The following KYAT3 variants were observed in gnomAD, a reference collection of about 807,000 sequenced individuals.
KYAT3 encodes the protein kynurenine aminotransferase 3, also known as kynurenine--oxoglutarate transaminase 3.
In KYAT3, 50 loss-of-function variants were observed where a neutral mutation model predicts 59.0. The ratio of observed to expected loss-of-function variants is 0.85; its 90% CI spans 0.68 to 1.07. The LOEUF is 1.07. Among genes scored for constraint, KYAT3 ranks in the 50% least tolerant of loss-of-function variants. The probability of loss-of-function intolerance (pLI) is 0.00; values close to 1 mark genes in which losing one functional copy is unlikely to be tolerated. For missense variants in KYAT3, 497 were observed against 533.3 expected (o/e 0.93, Z 0.67); for synonymous variants, 148 against 177.0 (o/e 0.84, Z 1.30).
intron 2 of KYAT3, chr1:88,982,887 T>C: frequency 1.9e-6 from 3 of 1,613,996 alleles, no homozygotes; most frequent in South Asian, 1.1e-5. Flanking sequence ...CGTGAGCTGC[T>C]ATAATCATCA....
chr1:88,955,933 T>A (rs539491293), intron 8 of KYAT3, among the ~76,000 whole-genome samples: 2 of 152,208 alleles, frequency 1.3e-5, no homozygotes, highest in African/African-American at 4.8e-5. Flanking sequence ...ATTTAAAGTA[T>A]GCCATTCAGT....
chr1:88,959,259 C>A (rs1415069012), intron 8 of KYAT3, among the ~76,000 whole-genome samples: 1 of 147,206 alleles, frequency 6.8e-6, no homozygotes, highest in Admixed American at 6.8e-5. Context: ...CTGGGTGACA[C>A]AGCGAGACCC....
At chr1:88,952,586 G>T (rs1362467942) in intron 10 of KYAT3, among the ~76,000 whole-genome samples, 1 of 152,086 alleles carries the variant, frequency 6.6e-6, no homozygotes, top group Non-Finnish European at 1.5e-5. Flanking sequence ...CACCATTATT[G>T]TAAGTTTTCT....
At chr1:88,941,138 T>C (rs528415966) in intron 13 of KYAT3, among the ~76,000 whole-genome samples, 2 of 152,244 alleles carry the variant, frequency 1.3e-5, no homozygotes, top group Non-Finnish European at 2.9e-5. Context: ...TCAAATAATA[T>C]ACCACTATTT....
intron 2 of KYAT3, chr1:88,983,285 G>A (rs1288477556): frequency 6.2e-7 from 1 of 1,613,900 alleles, no homozygotes; most frequent in Non-Finnish European, 8.5e-7. Context: ...TGATAGAGGA[G>A]CTCTTCCTCC....
intron 10 of KYAT3, among the ~76,000 whole-genome samples, chr1:88,951,495 A>C (rs1029722031): frequency 6.6e-6 from 1 of 151,994 alleles, no homozygotes; most frequent in African/African-American, 2.4e-5. Context: ...TTGGCCTCCC[A>C]AAGTGTTGGG....
At chr1:88,940,901 GT>G (rs1366494722) in intron 13 of KYAT3, among the ~76,000 whole-genome samples, 1 of 152,202 alleles carries the variant, frequency 6.6e-6, no homozygotes, top group Non-Finnish European at 1.5e-5. Context: ...TGCTGGCTTT[GT>G]CTGTAATTTG....
intron 2 of KYAT3, among the ~76,000 whole-genome samples, chr1:88,971,681 T>C (rs191614877): frequency 3.3e-5 from 5 of 152,310 alleles, no homozygotes; most frequent in Non-Finnish European, 5.9e-5. Context: ...TGAGAGTGCA[T>C]GTTCTCTACT....
At chr1:88,966,535 T>G (rs1676358249) in intron 4 of KYAT3, among the ~76,000 whole-genome samples, 1 of 152,164 alleles carries the variant, frequency 6.6e-6, no homozygotes, top group African/African-American at 2.4e-5. Context: ...CATTTTAATA[T>G]ATAGAAATAC....
rs1570866788 is a variant in KYAT3, at chr1:88,992,590, C to G, written c.-7G>C. On this transcript the variant is annotated 5_prime_UTR_variant, in exon 1 of 14. Coordinates refer to ENST00000260508, the MANE Select transcript of KYAT3 (RefSeq NM_001008661.3). The stretch of plus-strand genomic sequence containing the variant: ...CGCGCGCCCGCCCCACTCACCTATC[C>G]GGTGCGGGAACCTCGCCTCCCTAGG... The G allele has an allele frequency of 1.3e-5, 2 of 152,668 alleles. No homozygotes were observed. Among genetic ancestry groups the G allele is most frequent in the African/African-American group, 2.4e-5 (1 of 41,470 alleles). The allele number at this position is 152,668 out of a possible 1,614,324, so 9.5% of individuals were successfully genotyped here. A position where few individuals can be genotyped will look rare whatever the true frequency, so the allele number is the denominator to read the frequency against.
chr1:88,963,020 C>T (rs1676207850), intron 5 of KYAT3, among the ~76,000 whole-genome samples: 1 of 150,570 alleles, frequency 6.6e-6, no homozygotes, highest in Non-Finnish European at 1.5e-5. Flanking sequence ...TTATTGCGTC[C>T]TCACTATTTT....
intron 13 of KYAT3, among the ~76,000 whole-genome samples, chr1:88,939,990 T>G (rs992532642): frequency 6.6e-6 from 1 of 152,144 alleles, no homozygotes; most frequent in Non-Finnish European, 1.5e-5. Flanking sequence ...CTCTAACACT[T>G]GTTTTTCCTT....
chr1:88,938,043 G>A (rs928482530), intron 13 of KYAT3, among the ~76,000 whole-genome samples: 1 of 152,204 alleles, frequency 6.6e-6, no homozygotes, highest in East Asian at 1.9e-4. Context: ...GAGTATCAAG[G>A]TTAACTTCAT....
intron 11 of KYAT3, among the ~76,000 whole-genome samples, chr1:88,945,396 C>A (rs1675401377): frequency 1.3e-5 from 2 of 152,138 alleles, no homozygotes; most frequent in South Asian, 4.1e-4. Flanking sequence ...AATTTTGGAT[C>A]CTATTATTTC....
At chr1:88,947,611 G>T (rs1007509209) in intron 11 of KYAT3, among the ~76,000 whole-genome samples, 1 of 152,182 alleles carries the variant, frequency 6.6e-6, no homozygotes, top group African/African-American at 2.4e-5. Context: ...CCCATGAAAG[G>T]CACACTGCAA....
At chr1:88,934,492 T>G (rs1421492379), downstream of KYAT3, among the ~76,000 whole-genome samples, 1 of 152,082 alleles carries the variant, frequency 6.6e-6, no homozygotes, top group Non-Finnish European at 1.5e-5. Context: ...TAGGAATTGC[T>G]GCTGTGGTAA....
chr1:88,963,719 C>T (rs1346686122), intron 5 of KYAT3, among the ~76,000 whole-genome samples: 3 of 152,224 alleles, frequency 2.0e-5, no homozygotes, highest in Non-Finnish European at 4.4e-5. Flanking sequence ...AAAACATCTT[C>T]TATCTCACAG....
intron 8 of KYAT3, among the ~76,000 whole-genome samples, chr1:88,957,544 T>C (rs1215626191): frequency 6.6e-6 from 1 of 152,222 alleles, no homozygotes; most frequent in African/African-American, 2.4e-5. Flanking sequence ...TAAGTTTTAA[T>C]GCAAACAAAT....
At chr1:88,983,400 A>T in intron 2 of KYAT3, 1 of 1,614,178 alleles carries the variant, frequency 6.2e-7, no homozygotes, top group Middle Eastern at 1.6e-4. Flanking sequence ...GGTCCCCTGG[A>T]AGAACTCATG....
Sources: allele counts gnomAD v4.1 joint callset (sites outside exome capture counted in the v4.1 genomes callset), GRCh38; gene constraint gnomAD v4.1.1; transcripts MANE v1.5; gene names NCBI Gene and HGNC (gene_info 2026-07-23, HGNC 2026-07-21).